MGMT: variants seen among roughly 807,000 people sequenced by gnomAD.
The protein encoded by MGMT is O-6-methylguanine-DNA methyltransferase.
MGMT carries 14 observed loss-of-function variants against 15.9 expected under a neutral mutation model. The ratio of observed to expected loss-of-function variants is 0.88; its 90% CI spans 0.58 to 1.37. MGMT has a LOEUF of 1.37. MGMT is among the 40% of genes most tolerant of loss of function. The pLI is 0.00. For missense variants in MGMT, 282 were observed against 268.1 expected (o/e 1.05, Z -0.36); for synonymous variants, 130 against 118.2 (o/e 1.10, Z -0.65).
At chr10:129,714,843 G>T (rs1848275835) in intron 3 of MGMT, among the ~76,000 whole-genome samples, 1 of 152,188 alleles carries the variant, frequency 6.6e-6, no homozygotes, top group South Asian at 2.1e-4. Flanking sequence ...CACTGGCAGT[G>T]GCTGGAACAG....
intron 2 of MGMT, among the ~76,000 whole-genome samples, chr10:129,578,649 T>A (rs1308890588): frequency 1.3e-5 from 2 of 152,218 alleles, no homozygotes; most frequent in Admixed American, 6.5e-5. Flanking sequence ...AACCTGCACG[T>A]TGTGCACATG....
chr10:129,473,851 G>A (rs1845259748), intron 1 of MGMT, among the ~76,000 whole-genome samples: 1 of 152,146 alleles, frequency 6.6e-6, no homozygotes. Flanking sequence ...TGCCTACCCC[G>A]CACCCCACTA....
intron 2 of MGMT, among the ~76,000 whole-genome samples, chr10:129,609,104 G>A (rs1846928760): frequency 6.6e-6 from 1 of 152,212 alleles, no homozygotes; most frequent in African/African-American, 2.4e-5. Context: ...GTGATGCAGG[G>A]AGGGGCAGTG....
intron 2 of MGMT, among the ~76,000 whole-genome samples, chr10:129,609,994 A>AGAT (rs1324407962): frequency 6.6e-6 from 1 of 152,186 alleles, no homozygotes; most frequent in Non-Finnish European, 1.5e-5. Context: ...AAAGCAAAGG[A>AGAT]GATGAATAGA....
At chr10:129,766,711 T>G in intron 4 of MGMT, 77 bp from the exon 5 acceptor site, 1 of 1,353,666 alleles carries the variant, frequency 7.4e-7, no homozygotes, top group Non-Finnish European at 1.0e-6. Flanking sequence ...CTCCTGTCAG[T>G]CAGGGCCTTG....
chr10:129,683,960 C>T (rs966075424), intron 2 of MGMT, among the ~76,000 whole-genome samples: 2 of 152,218 alleles, frequency 1.3e-5, no homozygotes, highest in Non-Finnish European at 2.9e-5. Context: ...CCCATCATCA[C>T]AAAAGGACCC....
At chr10:129,723,244 G>A (rs1257456007) in intron 3 of MGMT, among the ~76,000 whole-genome samples, 2 of 152,116 alleles carry the variant, frequency 1.3e-5, no homozygotes, top group Non-Finnish European at 2.9e-5. Context: ...CACTGAACGT[G>A]ATATGTAGTC....
rs373059255 is a variant in MGMT, at chr10:129,570,899, G to T, written c.125+34522G>T. ...ACAGAACATGGAGGCAGTTATGGTT[G>T]TTAACTGGTAGACAAGGTCTGTCAA... On this transcript the variant is annotated intron_variant, in intron 2 of 4. Coordinates refer to ENST00000651593, the MANE Select transcript of MGMT (RefSeq NM_002412.5). 2.0e-4 allele frequency among the ~76,000 whole-genome samples: 30 copies of T among 152,318 alleles called. 1 individual carries two copies. In the South Asian group the frequency reaches 5.6e-3, roughly 28 times the overall value.
intron 2 of MGMT, among the ~76,000 whole-genome samples, chr10:129,567,176 C>G (rs938752503): frequency 1.3e-5 from 2 of 152,168 alleles, no homozygotes; most frequent in African/African-American, 4.8e-5. Flanking sequence ...GCGTTCAGCC[C>G]GTGCGGGTGG....
At chr10:129,492,946 C>T in intron 1 of MGMT, among the ~76,000 whole-genome samples, 1 of 152,216 alleles carries the variant, frequency 6.6e-6, no homozygotes, top group East Asian at 1.9e-4. Flanking sequence ...TGTCATCTAT[C>T]TTCCTTTGCC....
chr10:129,477,342 G>T (rs1194710834), intron 1 of MGMT, among the ~76,000 whole-genome samples: 1 of 152,162 alleles, frequency 6.6e-6, no homozygotes, highest in Non-Finnish European at 1.5e-5. Context: ...TGCTCTCCAA[G>T]GCCTGGTGTG....
At chr10:129,578,025 A>G (rs961250205) in intron 2 of MGMT, among the ~76,000 whole-genome samples, 6 of 152,238 alleles carry the variant, frequency 3.9e-5, no homozygotes, top group Non-Finnish European at 8.8e-5. Flanking sequence ...TTAAAAAGTC[A>G]GGAAACAACA....
intron 3 of MGMT, among the ~76,000 whole-genome samples, chr10:129,739,399 A>C (rs1848604202): frequency 6.6e-6 from 1 of 152,208 alleles, no homozygotes; most frequent in Non-Finnish European, 1.5e-5. Flanking sequence ...ATATTTAGAA[A>C]ACCCCATTGT....
intron 3 of MGMT, among the ~76,000 whole-genome samples, chr10:129,730,574 T>G (rs1467736798): frequency 6.6e-6 from 1 of 152,204 alleles, no homozygotes; most frequent in Non-Finnish European, 1.5e-5. Context: ...TTTGCAGGCA[T>G]GAGGATGACA....
chr10:129,756,704 G>A (rs1268973516), intron 3 of MGMT, among the ~76,000 whole-genome samples: 1 of 152,104 alleles, frequency 6.6e-6, no homozygotes, highest in Non-Finnish European at 1.5e-5. Flanking sequence ...TCCTGACCTC[G>A]TGATCCGCCC....
intron 2 of MGMT, among the ~76,000 whole-genome samples, chr10:129,658,971 T>C (rs1390872737): frequency 6.6e-6 from 1 of 152,162 alleles, no homozygotes. Context: ...ATAGGTACCA[T>C]TCAATGTTAT....
chr10:129,650,897 C>T (rs1847449843), intron 2 of MGMT, among the ~76,000 whole-genome samples: 1 of 152,188 alleles, frequency 6.6e-6, no homozygotes, highest in South Asian at 2.1e-4. Flanking sequence ...CCAGCTGCCC[C>T]TGCCTGCCAT....
intron 2 of MGMT, among the ~76,000 whole-genome samples, chr10:129,542,925 T>C (rs751428859): frequency 9.2e-5 from 14 of 152,350 alleles, no homozygotes; most frequent in South Asian, 2.1e-4. Flanking sequence ...TTGTGACTTA[T>C]GTTATCAATA....
intron 2 of MGMT, among the ~76,000 whole-genome samples, chr10:129,624,631 G>T (rs1233197009): frequency 6.6e-6 from 1 of 152,178 alleles, no homozygotes; most frequent in Non-Finnish European, 1.5e-5. Context: ...AGGCAGAGGA[G>T]GGAAACGAAA....
Sources: allele counts gnomAD v4.1 joint callset (sites outside exome capture counted in the v4.1 genomes callset), GRCh38; gene constraint gnomAD v4.1.1; transcripts MANE v1.5; gene names NCBI Gene and HGNC (gene_info 2026-07-23, HGNC 2026-07-21).